GRIA2: variants seen among roughly 807,000 people sequenced by gnomAD.
GRIA2 encodes glutamate receptor 2.
Under a neutral mutation model 97.3 loss-of-function variants are expected in GRIA2, and 14 were observed. The observed-to-expected ratio is 0.14, with a 90% CI of 0.10 to 0.23. The LOEUF is 0.23. Ranked by LOEUF, GRIA2 falls within the 10% of genes least tolerant of loss-of-function variation. The pLI is 1.00. For synonymous variants in GRIA2, 412 were observed against 387.8 expected (o/e 1.06, Z -0.73); for missense variants, 558 against 1,069.8 (o/e 0.52, Z 6.67).
chr4:157,347,071 T>C (rs1467061927), intron 12 of GRIA2, among the ~76,000 whole-genome samples: 1 of 152,186 alleles, frequency 6.6e-6, no homozygotes, highest in Non-Finnish European at 1.5e-5. Context: ...AAATGTTTCC[T>C]TTAAAACGTA....
intron 4 of GRIA2, among the ~76,000 whole-genome samples, chr4:157,315,785 C>T (rs1467089179): frequency 2.6e-5 from 4 of 152,034 alleles, no homozygotes; most frequent in East Asian, 1.9e-4. Context: ...ATGATCTGCC[C>T]GCCTTGGCCT....
chr4:157,358,246 G>A (rs1345924593), intron 12 of GRIA2, among the ~76,000 whole-genome samples: 1 of 152,062 alleles, frequency 6.6e-6, no homozygotes, highest in Non-Finnish European at 1.5e-5. Context: ...TTCTACAGTA[G>A]GCAAAGTTTC....
At chr4:157,266,543 A>G (rs1045463283) in intron 2 of GRIA2, among the ~76,000 whole-genome samples, 1 of 152,044 alleles carries the variant, frequency 6.6e-6, no homozygotes, top group Non-Finnish European at 1.5e-5. Context: ...AGCTAGAGAA[A>G]CAAAAGTCCT....
intron 2 of GRIA2, among the ~76,000 whole-genome samples, chr4:157,282,258 A>G (rs1343336321): frequency 6.6e-6 from 1 of 152,154 alleles, no homozygotes; most frequent in Non-Finnish European, 1.5e-5. Context: ...GAGCCAATGC[A>G]GAAGGCAAGT....
intron 12 of GRIA2, among the ~76,000 whole-genome samples, chr4:157,352,592 C>G (rs72962898): frequency 6.6e-6 from 1 of 151,642 alleles, no homozygotes; most frequent in East Asian, 1.9e-4. Flanking sequence ...TGGTGATGGG[C>G]GCCTGTAATC....
At chr4:157,239,401 A>G (rs1422682412) in intron 2 of GRIA2, among the ~76,000 whole-genome samples, 2 of 152,026 alleles carry the variant, frequency 1.3e-5, no homozygotes, top group East Asian at 3.9e-4. Context: ...CCTCTGATAT[A>G]TCTGCAAATG....
chr4:157,226,519 A>G (rs1729753852), intron 2 of GRIA2, among the ~76,000 whole-genome samples: 1 of 152,072 alleles, frequency 6.6e-6, no homozygotes, highest in Admixed American at 6.5e-5. Flanking sequence ...CAACATTTTT[A>G]ATCTCGATTC....
chr4:157,250,060 A>G (rs1479875998), intron 2 of GRIA2, among the ~76,000 whole-genome samples: 1 of 152,146 alleles, frequency 6.6e-6, no homozygotes, highest in African/African-American at 2.4e-5. Flanking sequence ...ATTAGTGGTT[A>G]TGCGTTAATG....
intron 2 of GRIA2, among the ~76,000 whole-genome samples, chr4:157,238,784 G>A (rs914227478): frequency 6.6e-6 from 1 of 152,026 alleles, no homozygotes; most frequent in African/African-American, 2.4e-5. Context: ...ATATGCTAAG[G>A]AAATCCAATC....
chr4:157,247,257 A>G (rs954602324), intron 2 of GRIA2, among the ~76,000 whole-genome samples: 2 of 152,214 alleles, frequency 1.3e-5, no homozygotes, highest in African/African-American at 4.8e-5. Context: ...TACTAGGAGA[A>G]CAAAAAGACA....
intron 2 of GRIA2, among the ~76,000 whole-genome samples, chr4:157,258,840 C>T (rs547693326): frequency 1.4e-4 from 21 of 152,114 alleles, no homozygotes; most frequent in East Asian, 7.8e-4. Context: ...AAAGGACCCA[C>T]GTTGAATTAT....
intron 6 of GRIA2, among the ~76,000 whole-genome samples, chr4:157,331,705 TG>T (rs1735055788): frequency 6.6e-6 from 1 of 151,962 alleles, no homozygotes; most frequent in Non-Finnish European, 1.5e-5. Flanking sequence ...TACTGTTAGA[TG>T]GCTTATCTTT....
At chr4:157,284,814 A>T (rs1732765438) in intron 2 of GRIA2, among the ~76,000 whole-genome samples, 1 of 151,764 alleles carries the variant, frequency 6.6e-6, no homozygotes, top group South Asian at 2.1e-4. Flanking sequence ...TCACTGCCGA[A>T]TATTATTTCA....
Position 157,303,263 on chromosome 4 carries a change from T to C in GRIA2, c.230-289T>C, listed in dbSNP as rs554861415. Among the ~76,000 whole-genome samples the C allele has an allele frequency of 6.6e-5, 10 of 152,320 alleles. No homozygotes were observed. The East Asian group carries it at 1.9e-3, about 29-fold the overall frequency. On this transcript the variant is annotated intron_variant, in intron 2 of 15. Coordinates refer to ENST00000264426, the MANE Select transcript of GRIA2 (RefSeq NM_001083619.3). ...AGCTAATTTTTTTTACCCATACATT[T>C]TTCATATTTGTTCCTAAAATATGTT...
intron 1 of GRIA2, 78 bp from the exon 2 acceptor site, chr4:157,221,589 T>C (rs1196885039): frequency 7.6e-6 from 11 of 1,454,928 alleles, no homozygotes; most frequent in Non-Finnish European, 1.0e-5. Flanking sequence ...TCTTGGATTT[T>C]TGGGCGCTAG....
At chr4:157,315,991 A>G (rs2126893217) in intron 4 of GRIA2, among the ~76,000 whole-genome samples, 1 of 152,336 alleles carries the variant, frequency 6.6e-6, no homozygotes, top group Middle Eastern at 3.4e-3. Flanking sequence ...GGTGGTTAGT[A>G]TGGCCAGTGC....
chr4:157,243,046 A>G lies in GRIA2; in HGVS notation c.229+21239A>G, dbSNP rs570568423. ...AAAATGGAAATTAAATAGATTCCCA[A>G]AAGGACACTTGTTTACAGTATGAAA... On this transcript the variant is annotated intron_variant, in intron 2 of 15. Transcript: ENST00000264426. 3.9e-5 allele frequency among the ~76,000 whole-genome samples: 6 copies of G among 152,202 alleles called. No individual in the cohort carries two copies. The South Asian group carries it at 1.2e-3, about 32-fold the overall frequency.
chr4:157,338,058 A>G (rs200736464), intron 11 of GRIA2, among the ~76,000 whole-genome samples: 45 of 44,864 alleles, frequency 1.0e-3, no homozygotes, highest in Admixed American at 2.8e-3. Context: ...ATACACACAC[A>G]TTTTTTTTAT....
intron 2 of GRIA2, among the ~76,000 whole-genome samples, chr4:157,228,505 T>C (rs1729848473): frequency 1.3e-5 from 2 of 152,108 alleles, no homozygotes; most frequent in African/African-American, 4.8e-5. Context: ...GCAAAAACCA[T>C]GTTGCAGCCA....
Sources: allele counts gnomAD v4.1 joint callset (sites outside exome capture counted in the v4.1 genomes callset), GRCh38; gene constraint gnomAD v4.1.1; transcripts MANE v1.5; gene names NCBI Gene and HGNC (gene_info 2026-07-23, HGNC 2026-07-21).